AKAP6: variants seen among roughly 807,000 people sequenced by gnomAD.
AKAP6 encodes the protein A-kinase anchoring protein 6.
In AKAP6, 58 loss-of-function variants were observed where a neutral mutation model predicts 188.5. That is an observed-to-expected ratio of 0.31 (90% CI 0.25 to 0.38). The LOEUF (loss-of-function observed/expected upper bound fraction) is 0.38, where lower values mean the gene tolerates loss of function less well. Ranked by LOEUF, AKAP6 falls within the 10% of genes least tolerant of loss-of-function variation. AKAP6 has a pLI of 1.00. For synonymous variants in AKAP6, 989 were observed against 998.6 expected, an observed-to-expected ratio of 0.99 and a Z score of 0.18; for missense variants, 2,710 against 2,740.0, an observed-to-expected ratio of 0.99 and a Z score of 0.24.
At chr14:32,515,977 A>T (rs1275022752) in intron 2 of AKAP6, among the ~76,000 whole-genome samples, 1 of 152,214 alleles carries the variant, frequency 6.6e-6, no homozygotes, top group Non-Finnish European at 1.5e-5. Context: ...TTGCCATGTG[A>T]GATGGTGAAT....
chr14:32,427,329 A>G (rs1259811650), intron 1 of AKAP6, among the ~76,000 whole-genome samples: 1 of 152,222 alleles, frequency 6.6e-6, no homozygotes, highest in Non-Finnish European at 1.5e-5. Flanking sequence ...AGGAGAAGGC[A>G]TCAGGCAGCA....
chr14:32,695,843 C>T (rs1890379944), intron 8 of AKAP6, 147 bp from the exon 9 acceptor site: 1 of 945,006 alleles, frequency 1.1e-6, no homozygotes, highest in Non-Finnish European at 1.5e-6. Context: ...CTATTTTGCC[C>T]AGTGTGTAAC....
At chr14:32,474,939 C>T (rs906172570) in intron 2 of AKAP6, among the ~76,000 whole-genome samples, 2 of 152,144 alleles carry the variant, frequency 1.3e-5, no homozygotes, top group Non-Finnish European at 2.9e-5. Context: ...TGTTCACTTC[C>T]ACAGCTGTAG....
chr14:32,544,747 T>C (rs977684234), intron 3 of AKAP6, among the ~76,000 whole-genome samples: 2 of 152,202 alleles, frequency 1.3e-5, no homozygotes, highest in Non-Finnish European at 2.9e-5. Context: ...ACTGGCTTAT[T>C]ATAATTAATT....
chr14:32,610,247 A>C (rs977543846), intron 7 of AKAP6, among the ~76,000 whole-genome samples: 3 of 152,190 alleles, frequency 2.0e-5, no homozygotes, highest in African/African-American at 7.2e-5. Context: ...AACAAGGGAA[A>C]GGACAAACTT....
chr14:32,358,202 T>A (rs974408545), intron 1 of AKAP6, among the ~76,000 whole-genome samples: 6 of 152,184 alleles, frequency 3.9e-5, no homozygotes, highest in African/African-American at 7.2e-5. Flanking sequence ...TACCTTCCCC[T>A]CTCAACTTCC....
At position 32,647,166 on chromosome 14, in the gene AKAP6, T is replaced by G. The variant is rs113684202; in HGVS notation, c.2731-31145T>G. 3.4e-3 allele frequency among the ~76,000 whole-genome samples: 514 copies of G among 152,226 alleles called. 3 individuals are homozygous for G. The highest frequency in any genetic ancestry group is 0.011 in the African/African-American group (468 of 41,560). The stretch of plus-strand genomic sequence containing the variant: ...ATTATGAAAAACCGTGCTTCATATA[T>G]TATTATAAAAATGAAATGTGACAAT... On this transcript the variant is annotated intron_variant, in intron 7 of 13. Transcript: ENST00000280979.
intron 1 of AKAP6, among the ~76,000 whole-genome samples, chr14:32,397,042 C>T (rs1231448464): frequency 6.6e-6 from 1 of 152,164 alleles, no homozygotes; most frequent in Non-Finnish European, 1.5e-5. Context: ...AAAGTAGTTT[C>T]CTTAGACCAG....
At chr14:32,689,951 T>C (rs1890100035) in intron 8 of AKAP6, among the ~76,000 whole-genome samples, 1 of 152,046 alleles carries the variant, frequency 6.6e-6, no homozygotes, top group African/African-American at 2.4e-5. Context: ...CTAGGAAAAT[T>C]GGATCATTTA....
intron 7 of AKAP6, among the ~76,000 whole-genome samples, chr14:32,625,798 C>T (rs1594792558): frequency 6.6e-6 from 1 of 151,986 alleles, no homozygotes; most frequent in South Asian, 2.1e-4. Context: ...CTGCTCCTGG[C>T]GTTTGTTGGA....
intron 2 of AKAP6, among the ~76,000 whole-genome samples, chr14:32,478,449 A>G (rs1025491708): frequency 2.6e-5 from 4 of 152,224 alleles, no homozygotes; most frequent in African/African-American, 7.2e-5. Flanking sequence ...CAGCAGTAAC[A>G]CTAACAGCCT....
At chr14:32,344,591 A>G (rs1261700445) in intron 1 of AKAP6, among the ~76,000 whole-genome samples, 4 of 152,172 alleles carry the variant, frequency 2.6e-5, no homozygotes, top group Admixed American at 2.6e-4. Context: ...ATGGGTGACC[A>G]CTGTGTTAAG....
At position 32,471,016 on chromosome 14, in the gene AKAP6, A is replaced by C. The variant is rs530421341; in HGVS notation, c.324+37199A>C. The stretch of plus-strand genomic sequence containing the variant: ...TAGACTTAGAAACCTAACTAGGCCA[A>C]ATCTTTCAGTGAACTTAGGCCAGTT... On this transcript the variant is annotated intron_variant, in intron 2 of 13. Coordinates refer to ENST00000280979, the MANE Select transcript of AKAP6 (RefSeq NM_004274.5). 5.3e-5 allele frequency among the ~76,000 whole-genome samples: 8 copies of C among 152,358 alleles called. No individual in the cohort carries two copies. The East Asian group carries it at 1.5e-3, about 29-fold the overall frequency.
chr14:32,583,346 G>A (rs376891646), intron 5 of AKAP6, among the ~76,000 whole-genome samples: 6 of 152,140 alleles, frequency 3.9e-5, no homozygotes, highest in South Asian at 2.1e-4. Context: ...TCGTTCCTCC[G>A]GAAGTTTTGT....
intron 7 of AKAP6, among the ~76,000 whole-genome samples, chr14:32,656,976 A>G (rs1303756817): frequency 6.6e-6 from 1 of 152,198 alleles, no homozygotes; most frequent in East Asian, 1.9e-4. Flanking sequence ...TGGCAATCCA[A>G]TATATGGAAT....
intron 9 of AKAP6, among the ~76,000 whole-genome samples, chr14:32,730,601 T>C (rs954878276): frequency 5.3e-5 from 8 of 152,070 alleles, no homozygotes; most frequent in Admixed American, 2.0e-4. Context: ...GGATAACTGG[T>C]AGAGGCCATT....
Position 32,615,167 on chromosome 14 carries a change from C to CAAAAAAAAAAAAAA in AKAP6, c.2730+14381_2730+14394dup, listed in dbSNP as rs71115086. ...CTGGCAACAGAGCAAGACTCTGTCT[C>CAAAAAAAAAAAAAA]AAAAAAAAAAAAAAAAAAAGATAAA... On this transcript the variant is annotated intron_variant, in intron 7 of 13. Coordinates refer to ENST00000280979, the MANE Select transcript of AKAP6 (RefSeq NM_004274.5). 9.5e-3 allele frequency among the ~76,000 whole-genome samples: 506 copies of CAAAAAAAAAAAAAA among 53,418 alleles called. 94 individuals are homozygous for CAAAAAAAAAAAAAA. Among genetic ancestry groups the CAAAAAAAAAAAAAA allele is most frequent in the South Asian group, 0.031 (36 of 1,144 alleles). The allele number at this position is 53,418 out of a possible 152,430, so 35.0% of individuals were successfully genotyped here. A position where few individuals can be genotyped will look rare whatever the true frequency, so the allele number is the denominator to read the frequency against.
intron 8 of AKAP6, among the ~76,000 whole-genome samples, chr14:32,687,787 G>T (rs909378928): frequency 6.6e-6 from 1 of 151,930 alleles, no homozygotes; most frequent in Non-Finnish European, 1.5e-5. Flanking sequence ...AACAATGTAG[G>T]CTACAGTCAA....
intron 7 of AKAP6, among the ~76,000 whole-genome samples, chr14:32,672,624 A>G (rs577168503): frequency 1.3e-5 from 2 of 152,294 alleles, no homozygotes; most frequent in Non-Finnish European, 2.9e-5. Context: ...TAAAGATTCT[A>G]TCTCCAAATA....
Sources: gnomAD v4.1 joint callset for allele counts (sites outside exome capture counted in the v4.1 genomes callset) on GRCh38, gnomAD v4.1.1 for gene constraint, MANE v1.5 for transcripts, NCBI Gene and HGNC (gene_info 2026-07-23, HGNC 2026-07-21) for gene names.